The following FOXP2 variants were observed in gnomAD, a reference collection of about 807,000 sequenced individuals.
FOXP2 encodes forkhead box P2, also known as forkhead box protein P2.
Under a neutral mutation model 115.8 loss-of-function variants are expected in FOXP2, and 12 were observed. That is an observed-to-expected ratio of 0.10 (90% confidence interval 0.07 to 0.17). The LOEUF (loss-of-function observed/expected upper bound fraction) is 0.17, where lower values mean the gene tolerates loss of function less well. FOXP2 is among the 10% of genes least tolerant of loss of function. The pLI is 1.00. For missense variants in FOXP2, 629 were observed against 843.5 expected, an observed-to-expected ratio of 0.75 and a Z score of 3.15; for synonymous variants, 328 against 297.7, an observed-to-expected ratio of 1.10 and a Z score of -1.05.
chr7:114,362,743 T>TA (rs925849028), intron 2 of FOXP2, among the ~76,000 whole-genome samples: 1 of 152,052 alleles, frequency 6.6e-6, no homozygotes. Flanking sequence ...ATCGAACTTT[T>TA]AAAAAAATAT....
At chr7:114,579,589 T>C (rs1801743357) in intron 3 of FOXP2, among the ~76,000 whole-genome samples, 2 of 152,170 alleles carry the variant, frequency 1.3e-5, no homozygotes, top group Admixed American at 6.6e-5. Context: ...CCTGTTTCCT[T>C]TTCTTCCCTG....
chr7:114,126,084 A>G (rs1364495005), intron 1 of FOXP2, among the ~76,000 whole-genome samples: 1 of 152,168 alleles, frequency 6.6e-6, no homozygotes, highest in South Asian at 2.1e-4. Flanking sequence ...CTTAAAATAT[A>G]GTGGGATAAA....
intron 2 of FOXP2, among the ~76,000 whole-genome samples, chr7:114,339,441 G>A (rs952221827): frequency 6.6e-6 from 1 of 150,992 alleles, no homozygotes; most frequent in Non-Finnish European, 1.5e-5. Context: ...TTAGAAGTTC[G>A]ACAGATGATA....
intron 1 of FOXP2, among the ~76,000 whole-genome samples, chr7:114,200,880 C>T (rs1177302761): frequency 3.9e-5 from 6 of 152,198 alleles, no homozygotes; most frequent in African/African-American, 1.4e-4. Flanking sequence ...CCTGGTCTGG[C>T]CCATTGGCTC....
intron 1 of FOXP2, among the ~76,000 whole-genome samples, chr7:114,148,543 A>T (rs574716621): frequency 6.6e-6 from 1 of 152,272 alleles, no homozygotes; most frequent in East Asian, 1.9e-4. Flanking sequence ...GGCAAGGTTA[A>T]TTTTGCATTA....
At chr7:114,233,423 G>T (rs778035290) in intron 1 of FOXP2, among the ~76,000 whole-genome samples, 3 of 152,176 alleles carry the variant, frequency 2.0e-5, no homozygotes, top group Non-Finnish European at 4.4e-5. Flanking sequence ...AGGAATGCAT[G>T]CTCAAAAGTA....
chr7:114,233,467 T>C (rs1232786246), intron 1 of FOXP2, among the ~76,000 whole-genome samples: 1 of 152,164 alleles, frequency 6.6e-6, no homozygotes, highest in Non-Finnish European at 1.5e-5. Flanking sequence ...AAAACAAAAG[T>C]TTGACATCAT....
chr7:114,657,695 T>C (rs1346326674), intron 10 of FOXP2, among the ~76,000 whole-genome samples: 1 of 152,158 alleles, frequency 6.6e-6, no homozygotes, highest in African/African-American at 2.4e-5. Context: ...GTTAAAAACA[T>C]TGCATCCTTC....
At chr7:114,673,795 G>T (rs1807616511) in intron 16 of FOXP2, among the ~76,000 whole-genome samples, 1 of 152,118 alleles carries the variant, frequency 6.6e-6, no homozygotes, top group African/African-American at 2.4e-5. Flanking sequence ...TGCCTCGCAG[G>T]TTCAAGCAAT....
chr7:114,511,256 A>C (rs1192335064), intron 2 of FOXP2, among the ~76,000 whole-genome samples: 2 of 152,152 alleles, frequency 1.3e-5, no homozygotes, highest in African/African-American at 4.8e-5. Flanking sequence ...CCTAATGTAG[A>C]TGACTGGTTG....
intron 3 of FOXP2, among the ~76,000 whole-genome samples, chr7:114,584,126 G>A (rs1186299371): frequency 6.6e-6 from 1 of 152,088 alleles, no homozygotes; most frequent in Non-Finnish European, 1.5e-5. Flanking sequence ...TCACATTTTA[G>A]TAAATGATTG....
At chr7:114,510,858 A>G (rs1443901552) in intron 2 of FOXP2, among the ~76,000 whole-genome samples, 1 of 152,226 alleles carries the variant, frequency 6.6e-6, no homozygotes, top group Admixed American at 6.5e-5. Context: ...ATTACTGGGT[A>G]TATACCCAAA....
chr7:114,353,204 G>GATTGCT (rs151261904), intron 2 of FOXP2, among the ~76,000 whole-genome samples: 2,678 of 152,078 alleles, frequency 0.018, 89 homozygotes, highest in African/African-American at 0.06. Flanking sequence ...ATTTTGTCAA[G>GATTGCT]ATTGCTATCT....
intron 16 of FOXP2, among the ~76,000 whole-genome samples, chr7:114,684,502 G>C (rs1366174584): frequency 6.6e-6 from 1 of 152,174 alleles, no homozygotes; most frequent in Non-Finnish European, 1.5e-5. Context: ...TATGTATGTG[G>C]CTTGACAGTA....
intron 2 of FOXP2, among the ~76,000 whole-genome samples, chr7:114,492,999 G>A (rs1217623929): frequency 6.6e-6 from 1 of 152,124 alleles, no homozygotes; most frequent in Non-Finnish European, 1.5e-5. Context: ...GTCTAAGGTT[G>A]ACAGTGGGAT....
intron 2 of FOXP2, among the ~76,000 whole-genome samples, chr7:114,477,551 C>T (rs1014387166): frequency 6.6e-6 from 1 of 151,904 alleles, no homozygotes; most frequent in Non-Finnish European, 1.5e-5. Context: ...ACTATGCTCT[C>T]TACCTGGGTG....
chr7:114,262,825 G>A (rs1795791165), intron 1 of FOXP2, among the ~76,000 whole-genome samples: 1 of 152,058 alleles, frequency 6.6e-6, no homozygotes, highest in South Asian at 2.1e-4. Flanking sequence ...CATCCTTGTT[G>A]ATCATGCACA....
chr7:114,455,126 G>A (rs938103143), intron 2 of FOXP2, among the ~76,000 whole-genome samples: 30 of 151,942 alleles, frequency 2.0e-4, no homozygotes, highest in Non-Finnish European at 4.0e-4. Context: ...AGTTTCAAAT[G>A]TATGCATATT....
At chr7:114,568,035 A>G (rs1209794702) in intron 3 of FOXP2, among the ~76,000 whole-genome samples, 2 of 152,136 alleles carry the variant, frequency 1.3e-5, no homozygotes, top group African/African-American at 2.4e-5. Flanking sequence ...GTTCTTCAGT[A>G]AAGTTTAGAT....
Sources: allele counts gnomAD v4.1 joint callset (sites outside exome capture counted in the v4.1 genomes callset), GRCh38; gene constraint gnomAD v4.1.1; transcripts MANE v1.5; gene names NCBI Gene and HGNC (gene_info 2026-07-23, HGNC 2026-07-21).